Variants in ZNF536 observed in about 807,000 individuals in gnomAD.
The protein encoded by ZNF536 is zinc finger protein 536.
In ZNF536, 13 loss-of-function variants were observed where a neutral mutation model predicts 84.5. The observed-to-expected ratio is 0.15, with a 90% CI of 0.10 to 0.24. ZNF536 has a LOEUF of 0.24. Ranked by LOEUF, ZNF536 falls within the 10% of genes least tolerant of loss-of-function variation. The pLI is 1.00. For missense variants in ZNF536, 1,536 were observed against 1,747.5 expected, an observed-to-expected ratio of 0.88 and a Z score of 2.16; for synonymous variants, 811 against 742.5, an observed-to-expected ratio of 1.09 and a Z score of -1.50.
intron 2 of ZNF536, among the ~76,000 whole-genome samples, chr19:30,313,284 C>T (rs1181790087): frequency 6.6e-6 from 1 of 152,200 alleles, no homozygotes; most frequent in South Asian, 2.1e-4. Context: ...CGGGTCAAAC[C>T]TTTCCTGACA....
chr19:30,348,183 T>A (rs966225907), intron 2 of ZNF536, among the ~76,000 whole-genome samples: 16 of 152,246 alleles, frequency 1.1e-4, no homozygotes, highest in African/African-American at 3.6e-4. Context: ...TCTTCATACA[T>A]TTGTTCATGT....
At position 30,237,068 on chromosome 19, in the gene ZNF536, T is replaced by C. The variant is rs116711324; in HGVS notation, c.-190+8395T>C. On this transcript the variant is annotated intron_variant, in intron 1 of 5. Transcript: ENST00000585628. ...ATTTTTTTTTTTTTCTTCTAGGCAC[T>C]GCCTGGCTAAGGAGCCTGGCCACTC... 3.9e-3 allele frequency among the ~76,000 whole-genome samples: 594 copies of C among 151,762 alleles called. 7 individuals are homozygous for C. The highest frequency in any genetic ancestry group is 0.014 in the African/African-American group (565 of 41,274).
intron 2 of ZNF536, among the ~76,000 whole-genome samples, chr19:30,345,667 A>G (rs1018426627): frequency 1.1e-4 from 16 of 152,216 alleles, no homozygotes; most frequent in African/African-American, 3.9e-4. Flanking sequence ...CCCCAGTGAC[A>G]TCTTATGACC....
intron 2 of ZNF536, among the ~76,000 whole-genome samples, chr19:30,451,478 A>G (rs1024941166): frequency 6.6e-6 from 1 of 152,226 alleles, no homozygotes; most frequent in Non-Finnish European, 1.5e-5. Flanking sequence ...ACATGGAGCC[A>G]TAAATCCCGC....
chr19:30,560,649 C>T (rs1279743322), downstream of ZNF536, among the ~76,000 whole-genome samples: 1 of 152,190 alleles, frequency 6.6e-6, no homozygotes, highest in Non-Finnish European at 1.5e-5. Flanking sequence ...ATGAGAGAGG[C>T]CAAGGAAGGG....
chr19:30,441,971 A>G (rs954570988), intron 1 of ZNF536, among the ~76,000 whole-genome samples: 2 of 152,194 alleles, frequency 1.3e-5, no homozygotes, highest in Non-Finnish European at 2.9e-5. Flanking sequence ...TGCTTCCTCC[A>G]CAGTTGAGCT....
chr19:30,450,948 G>A (rs1002162659), intron 2 of ZNF536, among the ~76,000 whole-genome samples: 3 of 152,214 alleles, frequency 2.0e-5, no homozygotes, highest in African/African-American at 7.2e-5. Context: ...TGTGAAAGCC[G>A]AGCGCCATAT....
Position 30,620,148 on chromosome 19 carries a change from A to G in ZNF536, c.169+70634A>G, listed in dbSNP as rs143038125. On this transcript the variant is annotated intron_variant, in intron 1 of 1. Coordinates refer to the ZNF536 transcript ENST00000592773. ...TGACACTCAGCCAGACTCTTAAGGT[A>G]CAATAGGGAGTGGTGGGGACTGTGG... Among the ~76,000 whole-genome samples the G allele has an allele frequency of 2.7e-3, 418 of 152,032 alleles. 3 individuals carry two copies. The highest frequency in any genetic ancestry group is 9.5e-3 in the African/African-American group (393 of 41,438).
At chr19:30,417,148 A>ATTT (rs71173904) in intron 1 of ZNF536, among the ~76,000 whole-genome samples, 32 of 100,232 alleles carry the variant, frequency 3.2e-4, no homozygotes, top group Non-Finnish European at 4.2e-4. Flanking sequence ...TAATTTTTGT[A>ATTT]TTTTTTTTTT....
intron 2 of ZNF536, among the ~76,000 whole-genome samples, chr19:30,450,206 G>C (rs1052527468): frequency 1.3e-5 from 2 of 151,826 alleles, no homozygotes; most frequent in Non-Finnish European, 2.9e-5. Flanking sequence ...GTTGCCGAGC[G>C]AACAGCAGAT....
chr19:30,343,202 A>G (rs2047621016), intron 2 of ZNF536, among the ~76,000 whole-genome samples: 1 of 152,160 alleles, frequency 6.6e-6, no homozygotes, highest in African/African-American at 2.4e-5. Context: ...ATGTTTCTGG[A>G]AAAAGGGCTT....
chr19:30,281,703 C>G (rs909761032), intron 1 of ZNF536, among the ~76,000 whole-genome samples: 1 of 152,178 alleles, frequency 6.6e-6, no homozygotes, highest in Non-Finnish European at 1.5e-5. Context: ...CAGTGTACAG[C>G]GAGTGGAATT....
At chr19:30,588,338 A>T (rs1426429712) in intron 1 of ZNF536, among the ~76,000 whole-genome samples, 1 of 152,284 alleles carries the variant, frequency 6.6e-6, no homozygotes, top group East Asian at 1.9e-4. Flanking sequence ...CTGCATTAGT[A>T]GGAATTGAGG....
At chr19:30,555,169 T>C (rs1490410090) in intron 4 of ZNF536, 1 of 152,290 alleles carries the variant, frequency 6.6e-6, no homozygotes, top group Non-Finnish European at 1.5e-5. Context: ...TTGTCTCTGA[T>C]GCAAGCTTGC....
chr19:30,562,899 C>T (rs2046223400), downstream of ZNF536, among the ~76,000 whole-genome samples: 1 of 152,152 alleles, frequency 6.6e-6, no homozygotes, highest in Non-Finnish European at 1.5e-5. Context: ...TAGTTTGGAA[C>T]AGTATGCTCT....
intron 2 of ZNF536, among the ~76,000 whole-genome samples, chr19:30,515,008 G>A (rs1486756101): frequency 1.3e-5 from 2 of 152,080 alleles, no homozygotes; most frequent in Non-Finnish European, 2.9e-5. Context: ...AGCACTTTGG[G>A]AGGCCGAGAT....
intron 2 of ZNF536, among the ~76,000 whole-genome samples, chr19:30,295,263 C>T (rs1357929523): frequency 2.0e-4 from 31 of 151,986 alleles, no homozygotes; most frequent in East Asian, 3.9e-4. Flanking sequence ...TTTTAAGACC[C>T]GCCAATGTCT....
intron 2 of ZNF536, among the ~76,000 whole-genome samples, chr19:30,475,415 A>G (rs1342087172): frequency 6.6e-6 from 1 of 152,226 alleles, no homozygotes; most frequent in Admixed American, 6.5e-5. Context: ...ACAAGCCTGG[A>G]CAACATAGTA....
In ZNF536 at chr19:30,527,704, T is replaced by C. The variant is rs562411550; in HGVS notation, c.2171-7143T>C. Among the ~76,000 whole-genome samples the C allele has an allele frequency of 2.0e-5, 3 of 152,182 alleles. No homozygotes were observed. The South Asian group carries it at 6.2e-4, about 32-fold the overall frequency. ...ATAATTTTCATGCATACCATTAATT[T>C]TAAATAATTAAAAAAAATAAAAGGG... On this transcript the variant is annotated intron_variant, in intron 2 of 4. Coordinates refer to ENST00000355537, the MANE Select transcript of ZNF536 (RefSeq NM_014717.3).
Sources: allele counts gnomAD v4.1 joint callset (sites outside exome capture counted in the v4.1 genomes callset), GRCh38; gene constraint gnomAD v4.1.1; transcripts MANE v1.5; gene names NCBI Gene and HGNC (gene_info 2026-07-23, HGNC 2026-07-21).